SCAPER: variants seen among roughly 807,000 people sequenced by gnomAD.
SCAPER encodes S-phase cyclin A associated protein in the ER.
In SCAPER, 98 loss-of-function variants were observed where a neutral mutation model predicts 182.2. That is an observed-to-expected ratio of 0.54 (90% confidence interval 0.46 to 0.64). The LOEUF (loss-of-function observed/expected upper bound fraction) is 0.64. Among genes scored for constraint, SCAPER ranks in the 30% least tolerant of loss-of-function variants. The pLI is 0.00. For missense variants in SCAPER, 1,432 were observed against 1,690.0 expected (o/e 0.85, Z 2.68); for synonymous variants, 605 against 564.6 (o/e 1.07, Z -1.01).
chr15:76,883,950 A>G, intron 1 of SCAPER, 74 bp from the exon 2 acceptor site: 1 of 722,870 alleles, frequency 1.4e-6, no homozygotes, highest in Admixed American at 3.7e-5. Flanking sequence ...AAAGATACAA[A>G]TCTCATCCCC....
At chr15:76,723,591 C>G (rs996296949) in intron 17 of SCAPER, among the ~76,000 whole-genome samples, 6 of 152,128 alleles carry the variant, frequency 3.9e-5, no homozygotes, top group African/African-American at 1.4e-4. Flanking sequence ...TCTCTAAGGA[C>G]TTGCTTTATG....
At chr15:76,428,617 G>A (rs1042442778) in intron 26 of SCAPER, among the ~76,000 whole-genome samples, 4 of 151,900 alleles carry the variant, frequency 2.6e-5, no homozygotes, top group Admixed American at 6.6e-5. Context: ...TACACCAGCG[G>A]TTACCAGAGG....
chr15:76,661,165 T>C (rs1273801854), intron 21 of SCAPER, among the ~76,000 whole-genome samples: 2 of 152,102 alleles, frequency 1.3e-5, no homozygotes, highest in Non-Finnish European at 2.9e-5. Context: ...CAGGCTTTCT[T>C]ATTTTAGAAA....
intron 3 of SCAPER, among the ~76,000 whole-genome samples, chr15:76,861,399 T>C (rs2071852396): frequency 6.6e-6 from 1 of 152,200 alleles, no homozygotes; most frequent in Non-Finnish European, 1.5e-5. Flanking sequence ...ACATCATTTC[T>C]ATAGAATTCC....
chr15:76,655,631 T>C (rs577261912), intron 21 of SCAPER, among the ~76,000 whole-genome samples: 8 of 152,288 alleles, frequency 5.3e-5, no homozygotes, highest in Admixed American at 2.0e-4. Context: ...GAATTATCCA[T>C]GATGAACATG....
At chr15:76,627,564 T>C (rs1325243830) in intron 21 of SCAPER, among the ~76,000 whole-genome samples, 1 of 152,162 alleles carries the variant, frequency 6.6e-6, no homozygotes, top group Non-Finnish European at 1.5e-5. Flanking sequence ...TGTTCCTGTG[T>C]TAGTTTGCTG....
intron 23 of SCAPER, among the ~76,000 whole-genome samples, chr15:76,549,513 T>G (rs1405578984): frequency 3.3e-5 from 5 of 151,808 alleles, no homozygotes; most frequent in Non-Finnish European, 7.4e-5. Context: ...AACCAAACAC[T>G]GCATGTTGTC....
At chr15:76,532,608 ATC>A (rs1196941179) in intron 23 of SCAPER, among the ~76,000 whole-genome samples, 1 of 152,174 alleles carries the variant, frequency 6.6e-6, no homozygotes, top group African/African-American at 2.4e-5. Flanking sequence ...TCAGAAAGTA[ATC>A]TGAGGGCCTA....
At chr15:76,838,638 G>A (rs2069161953) in intron 5 of SCAPER, among the ~76,000 whole-genome samples, 1 of 152,112 alleles carries the variant, frequency 6.6e-6, no homozygotes, top group Non-Finnish European at 1.5e-5. Context: ...TAAGATGCAG[G>A]TGCCAGTCTC....
At position 76,848,319 on chromosome 15, in the gene SCAPER, T is replaced by G. The variant is rs535798666; in HGVS notation, c.196-6388A>C. Among the ~76,000 whole-genome samples the G allele has an allele frequency of 4.7e-3, 626 of 132,458 alleles. 4 individuals are homozygous for G. The highest frequency in any genetic ancestry group is 6.4e-3 in the Non-Finnish European group (408 of 63,724). The allele number at this position is 132,458 out of a possible 152,430, so 86.9% of individuals were successfully genotyped here. Reference sequence around the variant, plus strand: ...CTGGCCTAAAACATTGTGTTTTTTTTGGGGTTTTTTTTTTTTTTTTTTTTT... The same window carrying G: ...CTGGCCTAAAACATTGTGTTTTTTTGGGGGTTTTTTTTTTTTTTTTTTTTT... On this transcript the variant is annotated intron_variant, in intron 4 of 31. Transcript: ENST00000563290.
Position 76,518,273 on chromosome 15 carries a change from G to A in SCAPER, c.2839-13299C>T, listed in dbSNP as rs566167864. Among the ~76,000 whole-genome samples the A allele has an allele frequency of 5.3e-5, 8 of 152,310 alleles. No homozygotes were observed. The South Asian group carries it at 6.2e-4, about 12-fold the overall frequency. ...CCTTCCTTCCTGGATATCAGAACTGGAGCTCATCTCTGCAGGCTCTGCTTC... is the reference window on the plus strand; with the variant it reads ...CCTTCCTTCCTGGATATCAGAACTGAAGCTCATCTCTGCAGGCTCTGCTTC... On this transcript the variant is annotated intron_variant, in intron 23 of 31. Transcript: ENST00000563290.
At chr15:76,448,311 T>C (rs1052407052) in intron 25 of SCAPER, among the ~76,000 whole-genome samples, 10 of 151,842 alleles carry the variant, frequency 6.6e-5, no homozygotes, top group Admixed American at 6.6e-5. Context: ...TGAAAGATGA[T>C]GGGAAATGGA....
intron 5 of SCAPER, among the ~76,000 whole-genome samples, chr15:76,805,637 G>A (rs946672060): frequency 1.4e-5 from 2 of 147,590 alleles, no homozygotes; most frequent in South Asian, 2.1e-4. Context: ...TCAGCATCGC[G>A]GCTCACTGCA....
At chr15:76,366,577 T>G (rs533028675) in intron 29 of SCAPER, among the ~76,000 whole-genome samples, 15 of 152,336 alleles carry the variant, frequency 9.8e-5, no homozygotes, top group African/African-American at 3.6e-4. Flanking sequence ...AGGTTCCAAT[T>G]AAGGCCCATT....
At chr15:76,863,006 A>G (rs1013119238) in intron 2 of SCAPER, among the ~76,000 whole-genome samples, 5 of 152,202 alleles carry the variant, frequency 3.3e-5, no homozygotes, top group Non-Finnish European at 7.3e-5. Context: ...TCTCCAAGTT[A>G]TCAGGATTCA....
chr15:76,879,599 G>GT (rs1256899965), intron 2 of SCAPER, among the ~76,000 whole-genome samples: 1 of 152,176 alleles, frequency 6.6e-6, no homozygotes, highest in African/African-American at 2.4e-5. Context: ...AGAAGCCAGA[G>GT]TAAGTGGAGG....
At chr15:76,614,443 T>C (rs150706167) in intron 22 of SCAPER, among the ~76,000 whole-genome samples, 83 of 152,178 alleles carry the variant, frequency 5.5e-4, no homozygotes, top group African/African-American at 2.0e-3. Context: ...GAAGACTCAA[T>C]AGATTCACAA....
chr15:76,639,913 A>G (rs887881806), intron 21 of SCAPER, among the ~76,000 whole-genome samples: 2 of 152,204 alleles, frequency 1.3e-5, no homozygotes, highest in African/African-American at 4.8e-5. Context: ...GTATTGACTC[A>G]TCCTTTAATC....
At chr15:76,705,673 A>C (rs2059226551) in intron 18 of SCAPER, among the ~76,000 whole-genome samples, 2 of 152,152 alleles carry the variant, frequency 1.3e-5, no homozygotes, top group African/African-American at 4.8e-5. Context: ...AAAGAAAAAA[A>C]ACAGGAAATG....
Sources: gnomAD v4.1 joint callset for allele counts (sites outside exome capture counted in the v4.1 genomes callset) on GRCh38, gnomAD v4.1.1 for gene constraint, MANE v1.5 for transcripts, NCBI Gene and HGNC (gene_info 2026-07-23, HGNC 2026-07-21) for gene names.